Variants in JADE3 observed in about 807,000 individuals in gnomAD.
JADE3 encodes the protein protein Jade-3.
JADE3 carries 2 observed loss-of-function variants against 50.1 expected under a neutral mutation model. That is an observed-to-expected ratio of 0.04 (90% CI 0.02 to 0.13). The LOEUF is 0.13. JADE3 is among the 10% of genes least tolerant of loss of function. The probability of loss-of-function intolerance (pLI) is 1.00; values close to 1 mark genes in which losing one functional copy is unlikely to be tolerated. For missense variants in JADE3, 475 were observed against 634.4 expected, an observed-to-expected ratio of 0.75 and a Z score of 2.70; for synonymous variants, 218 against 232.9, an observed-to-expected ratio of 0.94 and a Z score of 0.58.
rs782004198 is a variant in JADE3 at position 46,944,683 on chromosome X, T to C, written c.-12+31964T>C. On this transcript the variant is annotated intron_variant, in intron 1 of 10. Coordinates refer to ENST00000614628, the MANE Select transcript of JADE3 (RefSeq NM_014735.5). ...CACTGCCTTTTTTACATCCCAGAGA[T>C]TTTGGTATACCGTGTCTCTGGAAAC... Among the ~76,000 whole-genome samples the C allele has an allele frequency of 5.1e-4, 57 of 110,926 alleles. No homozygotes were observed. The East Asian group carries it at 0.015, about 29-fold the overall frequency.
At chrX:46,963,253 G>A (rs1242282218) in intron 1 of JADE3, among the ~76,000 whole-genome samples, 1 of 111,853 alleles carries the variant, frequency 8.9e-6, no homozygotes, top group African/African-American at 3.3e-5. Flanking sequence ...CAGATAGAGT[G>A]ACATTTGCTA....
At chrX:46,983,248 T>G (rs183372864) in intron 1 of JADE3, among the ~76,000 whole-genome samples, 1 of 111,817 alleles carries the variant, frequency 8.9e-6, no homozygotes, top group East Asian at 2.8e-4. Flanking sequence ...TTCTATGCCC[T>G]GCCTCTCTCC....
chrX:46,959,720 T>C (rs782075922), intron 1 of JADE3, among the ~76,000 whole-genome samples: 1 of 105,851 alleles, frequency 9.4e-6, no homozygotes, highest in East Asian at 2.9e-4. Context: ...GAGTAGGGGG[T>C]AGGATAGTAT....
chrX:46,976,644 C>G (rs996042744), intron 1 of JADE3, among the ~76,000 whole-genome samples: 3 of 111,660 alleles, frequency 2.7e-5, no homozygotes, highest in Non-Finnish European at 5.6e-5. Context: ...ATAATATAAC[C>G]AAGTGTAAGA....
At chrX:47,002,425 T>A (rs781993554) in intron 4 of JADE3, among the ~76,000 whole-genome samples, 1 of 111,370 alleles carries the variant, frequency 9.0e-6, no homozygotes, top group South Asian at 3.7e-4. Flanking sequence ...ACAAAAAATC[T>A]TGCTGGATTT....
intron 1 of JADE3, among the ~76,000 whole-genome samples, chrX:46,920,953 A>AT (rs1277513766): frequency 2.0e-4 from 22 of 111,975 alleles, no homozygotes; most frequent in Non-Finnish European, 3.4e-4. Context: ...TTTTAAAAAA[A>AT]TTTTTTTATA....
chrX:46,998,953 T>A (rs1928206580), intron 4 of JADE3, among the ~76,000 whole-genome samples: 1 of 111,041 alleles, frequency 9.0e-6, no homozygotes, highest in Admixed American at 9.6e-5. Context: ...CACCTTGGCC[T>A]CCCAAAGTGC....
chrX:46,944,720 A>C (rs183545836), intron 1 of JADE3, among the ~76,000 whole-genome samples: 115 of 111,191 alleles, frequency 1.0e-3, no homozygotes, highest in African/African-American at 3.3e-3. Context: ...ACCAATTTTA[A>C]ATGTTCTGTA....
intron 1 of JADE3, among the ~76,000 whole-genome samples, chrX:46,920,315 A>G (rs1926193767): frequency 8.9e-6 from 1 of 112,555 alleles, no homozygotes; most frequent in Non-Finnish European, 1.9e-5. Flanking sequence ...CCAGAATATC[A>G]CATGAGTGGA....
chrX:46,941,092 C>G (rs898074825), intron 1 of JADE3, among the ~76,000 whole-genome samples: 1 of 109,596 alleles, frequency 9.1e-6, no homozygotes, highest in Non-Finnish European at 1.9e-5. Flanking sequence ...CCTCTTCCCT[C>G]TCTCCCCATC....
In JADE3 at chrX:46,919,273, A is replaced by G. The variant is rs918115616; in HGVS notation, c.-12+6554A>G. Among the ~76,000 whole-genome samples the G allele has an allele frequency of 3.6e-5, 4 of 111,790 alleles. No individual in the cohort carries two copies. In the East Asian group the frequency reaches 8.4e-4, roughly 23 times the overall value. On this transcript the variant is annotated intron_variant, in intron 1 of 10. Transcript: ENST00000614628. Reference sequence around the variant, plus strand: ...GATTTCCTCAACCTTCCATTCAAGCATTATCACGAAAACCCTAGTGTATTA... The same window carrying G: ...GATTTCCTCAACCTTCCATTCAAGCGTTATCACGAAAACCCTAGTGTATTA...
intron 1 of JADE3, among the ~76,000 whole-genome samples, chrX:46,916,567 A>G (rs1382640674): frequency 1.8e-5 from 2 of 112,000 alleles, no homozygotes; most frequent in Non-Finnish European, 3.8e-5. Flanking sequence ...GGTTAAGATA[A>G]ACTCCACTTT....
intron 8 of JADE3, among the ~76,000 whole-genome samples, chrX:47,042,145 C>T (rs1056642107): frequency 1.8e-5 from 2 of 111,411 alleles, no homozygotes; most frequent in Non-Finnish European, 3.8e-5. Flanking sequence ...AGGCACATGC[C>T]ACCATGGCTG....
intron 8 of JADE3, 53 bp downstream of exon 8, chrX:47,039,118 C>A: frequency 1.6e-6 from 1 of 622,169 alleles, no homozygotes; most frequent in Non-Finnish European, 2.6e-6. Context: ...TAGCTGGACT[C>A]ACCCTCCCAG....
chrX:46,919,675 C>T (rs1268344496), intron 1 of JADE3, among the ~76,000 whole-genome samples: 1 of 111,217 alleles, frequency 9.0e-6, no homozygotes, highest in Admixed American at 9.6e-5. Flanking sequence ...AAATATATTA[C>T]ATGAAAATGC....
chrX:47,014,333 AT>A (rs1345298228), intron 4 of JADE3, among the ~76,000 whole-genome samples: 1 of 112,224 alleles, frequency 8.9e-6, no homozygotes, highest in African/African-American at 3.2e-5. Flanking sequence ...CATGAACAAG[AT>A]GAATTTTTTC....
chrX:46,937,247 GTC>G (rs1270532139), intron 1 of JADE3, among the ~76,000 whole-genome samples: 1 of 111,545 alleles, frequency 9.0e-6, no homozygotes, highest in East Asian at 2.8e-4. Context: ...TTCCTCTTAT[GTC>G]TCTGTTGTTG....
At chrX:46,952,980 G>A (rs1055454696) in intron 1 of JADE3, among the ~76,000 whole-genome samples, 1 of 108,679 alleles carries the variant, frequency 9.2e-6, no homozygotes, top group Non-Finnish European at 1.9e-5. Flanking sequence ...GTGACAGAGC[G>A]AGACTGTCTC....
intron 1 of JADE3, among the ~76,000 whole-genome samples, chrX:46,917,833 T>TCCC (rs1926127110): frequency 1.8e-4 from 1 of 5,518 alleles, no homozygotes; most frequent in African/African-American, 4.8e-4. Context: ...CTCTCTCTCA[T>TCCC]CCTCTCTCTC....
Sources: allele counts gnomAD v4.1 joint callset (sites outside exome capture counted in the v4.1 genomes callset), GRCh38; gene constraint gnomAD v4.1.1; transcripts MANE v1.5; gene names NCBI Gene and HGNC (gene_info 2026-07-23, HGNC 2026-07-21).